The following GABPB1 variants were observed in gnomAD, a reference collection of about 807,000 sequenced individuals.
GABPB1 encodes the protein GA binding protein transcription factor subunit beta 1.
In GABPB1, 15 loss-of-function variants were observed where a neutral mutation model predicts 45.9. The ratio of observed to expected loss-of-function variants is 0.33; its 90% CI spans 0.22 to 0.50. GABPB1 has a LOEUF of 0.50. Ranked by LOEUF, GABPB1 falls within the 20% of genes least tolerant of loss-of-function variation. The pLI is 0.98. For synonymous variants in GABPB1, 143 were observed against 154.4 expected, an observed-to-expected ratio of 0.93 and a Z score of 0.55; for missense variants, 252 against 457.5, an observed-to-expected ratio of 0.55 and a Z score of 4.10.
chr15:50,350,741 C>T (rs2048788286), intron 1 of GABPB1: 1 of 152,088 alleles, frequency 6.6e-6, no homozygotes, highest in African/African-American at 2.4e-5. Context: ...CAGGAACAGC[C>T]TACCACCCAA....
intron 4 of GABPB1, 151 bp from the exon 5 acceptor site, chr15:50,301,519 G>C (rs2046746501): frequency 1.4e-6 from 1 of 698,076 alleles, no homozygotes. Context: ...CACTGACAGT[G>C]TAGGGGCACA....
At chr15:50,345,787 C>A (rs536056495) in intron 1 of GABPB1, among the ~76,000 whole-genome samples, 22 of 152,070 alleles carry the variant, frequency 1.4e-4, no homozygotes, top group African/African-American at 5.1e-4. Flanking sequence ...TCTCGGCTCA[C>A]TGCAAGCTCC....
intron 6 of GABPB1, among the ~76,000 whole-genome samples, chr15:50,295,066 T>TA (rs2046466662): frequency 1.3e-5 from 2 of 152,122 alleles, no homozygotes; most frequent in South Asian, 4.1e-4. Flanking sequence ...AAGGGCCAGA[T>TA]AACTACACTA....
intron 6 of GABPB1, among the ~76,000 whole-genome samples, chr15:50,298,951 C>CA (rs775179968): frequency 0.16 from 9,538 of 60,652 alleles, 1,079 homozygotes; most frequent in African/African-American, 0.38. Flanking sequence ...GACTCCATGT[C>CA]AAAAAAAAAA....
chr15:50,304,141 A>C lies in GABPB1; in HGVS notation c.109-8T>G. The C allele has an allele frequency of 6.4e-7, 1 of 1,559,290 alleles. No individual in the cohort carries two copies. ...AAGTGGAGAAGTTCCCAGCTGTACC[A>C]CAGAAAAAAAAAAAAATCCACATTT... is the stretch of plus-strand genomic sequence containing the variant. On this transcript the variant is annotated splice_region_variant and splice_polypyrimidine_tract_variant and intron_variant, in intron 2 of 8. Coordinates refer to ENST00000380877, the MANE Select transcript of GABPB1 (RefSeq NM_016654.5).
chr15:50,341,007 G>A lies in GABPB1; in HGVS notation c.-1+13978C>T, dbSNP rs180983666. 5.1e-3 allele frequency among the ~76,000 whole-genome samples: 597 copies of A among 116,786 alleles called. 19 individuals carry two copies. The highest frequency in any genetic ancestry group is 0.02 in the African/African-American group (575 of 29,032). 76.6% of individuals were successfully genotyped at this position (116,786 alleles called of 152,430 possible). A position where few individuals can be genotyped will look rare whatever the true frequency, so the allele number is the denominator to read the frequency against. ...ATATGTAATATTACATATTACATATGGTTTATTACATATTACATATGGTTT... is the reference window on the plus strand; with the variant it reads ...ATATGTAATATTACATATTACATATAGTTTATTACATATTACATATGGTTT... On this transcript the variant is annotated intron_variant, in intron 1 of 8. Coordinates refer to ENST00000380877, the MANE Select transcript of GABPB1 (RefSeq NM_016654.5).
At chr15:50,352,150 A>T (rs2048858606) in intron 1 of GABPB1, 1 of 152,140 alleles carries the variant, frequency 6.6e-6, no homozygotes, top group Non-Finnish European at 1.5e-5. Context: ...TAAATTCATG[A>T]TGCAAAACTT....
chr15:50,314,657 A>G (rs775307929), intron 1 of GABPB1: 4 of 152,240 alleles, frequency 2.6e-5, no homozygotes, highest in Non-Finnish European at 5.9e-5. Flanking sequence ...GGTCCAGCAA[A>G]GGAGGGAATA....
At position 50,278,053 on chromosome 15, in the gene GABPB1, T is replaced by C. The variant is rs1438836905; in HGVS notation, c.*579A>G. ...ATGTACAAACAGAAATTTTTAAAAA[T>C]ATTTGCTTCATATACATGTAAATCT... On this transcript the variant is annotated 3_prime_UTR_variant, in exon 9 of 9. Transcript: ENST00000380877. The C allele has an allele frequency of 1.3e-5, 2 of 152,650 alleles. No homozygotes were observed. The highest frequency in any genetic ancestry group is 1.3e-4 in the Admixed American group (2 of 15,286). The allele number at this position is 152,650 out of a possible 1,614,324, so 9.5% of individuals were successfully genotyped here. A position where few individuals can be genotyped will look rare whatever the true frequency, so the allele number is the denominator to read the frequency against.
chr15:50,339,074 G>A (rs779462555), intron 1 of GABPB1, among the ~76,000 whole-genome samples: 3 of 152,254 alleles, frequency 2.0e-5, no homozygotes, highest in Middle Eastern at 6.8e-3. Context: ...AGGCCAAGAC[G>A]GGCAGATCAC....
chr15:50,321,992 A>G (rs1366815559), intron 1 of GABPB1, among the ~76,000 whole-genome samples: 3 of 152,160 alleles, frequency 2.0e-5, no homozygotes, highest in Non-Finnish European at 4.4e-5. Context: ...CAAAAAAAAA[A>G]AAAAAATCTG....
At chr15:50,306,667 G>A (rs34590486) in intron 2 of GABPB1, among the ~76,000 whole-genome samples, 74,362 of 150,802 alleles carry the variant, frequency 0.49, 19,379 homozygotes, top group Middle Eastern at 0.65. Context: ...GCCACTCCCT[G>A]ATCACAAGCC....
intron 1 of GABPB1, among the ~76,000 whole-genome samples, chr15:50,328,659 A>C (rs1462972056): frequency 6.6e-6 from 1 of 152,202 alleles, no homozygotes; most frequent in East Asian, 1.9e-4. Context: ...ATATTCTTTT[A>C]GCTTGAGGCC....
intron 1 of GABPB1, among the ~76,000 whole-genome samples, chr15:50,339,435 G>A (rs748454105): frequency 1.4e-4 from 21 of 151,728 alleles, no homozygotes; most frequent in Non-Finnish European, 2.6e-4. Flanking sequence ...GGAAGCAGAG[G>A]TTGCAGTGAG....
chr15:50,283,092 C>T (rs1595728808), intron 8 of GABPB1, among the ~76,000 whole-genome samples: 1 of 152,090 alleles, frequency 6.6e-6, no homozygotes, highest in South Asian at 2.1e-4. Flanking sequence ...TTATCTCTAA[C>T]CTCCATGGCA....
intron 3 of GABPB1, among the ~76,000 whole-genome samples, chr15:50,303,700 G>GA (rs147908279): frequency 0.019 from 2,706 of 145,796 alleles, 82 homozygotes; most frequent in African/African-American, 0.065. Context: ...AAAACAAAAA[G>GA]AAAAAATGCT....
chr15:50,338,705 C>G (rs1299936917), intron 1 of GABPB1, among the ~76,000 whole-genome samples: 1 of 151,836 alleles, frequency 6.6e-6, no homozygotes, highest in East Asian at 2.0e-4. Flanking sequence ...AACTCCTGGA[C>G]TTAAGTGATC....
At chr15:50,314,183 A>AT (rs879259395) in intron 1 of GABPB1, among the ~76,000 whole-genome samples, 4,984 of 115,380 alleles carry the variant, frequency 0.043, 102 homozygotes, top group Middle Eastern at 0.085. Context: ...TTATTTATTT[A>AT]TTTATTTATT....
At chr15:50,306,083 T>A (rs1656300212) in intron 2 of GABPB1, among the ~76,000 whole-genome samples, 1 of 151,998 alleles carries the variant, frequency 6.6e-6, no homozygotes, top group East Asian at 1.9e-4. Flanking sequence ...CAAGCAATCC[T>A]CCCATCTCAG....
Sources: allele counts gnomAD v4.1 joint callset (sites outside exome capture counted in the v4.1 genomes callset), GRCh38; gene constraint gnomAD v4.1.1; transcripts MANE v1.5; gene names NCBI Gene and HGNC (gene_info 2026-07-23, HGNC 2026-07-21).